Variants in DPH6 observed in about 807,000 individuals in gnomAD.
The protein encoded by DPH6 is diphthine--ammonia ligase.
In DPH6, 33 loss-of-function variants were observed where a neutral mutation model predicts 38.2. The observed-to-expected ratio is 0.86, with a 90% CI of 0.65 to 1.15. DPH6 has a LOEUF of 1.15. Among genes scored for constraint, DPH6 ranks in the 50% most tolerant of loss-of-function variants. The probability of loss-of-function intolerance (pLI) is 0.00; values close to 1 mark genes in which losing one functional copy is unlikely to be tolerated. For synonymous variants in DPH6, 108 were observed against 103.0 expected (o/e 1.05, Z -0.30); for missense variants, 325 against 320.0 (o/e 1.02, Z -0.12).
At chr15:35,434,401 T>C (rs997506963) in intron 5 of DPH6, among the ~76,000 whole-genome samples, 1 of 151,860 alleles carries the variant, frequency 6.6e-6, no homozygotes, top group Non-Finnish European at 1.5e-5. Context: ...ATATTCCATA[T>C]AGCAAAAGGT....
chr15:35,182,403 A>G, the DPH6 span, among the ~76,000 whole-genome samples: 531 of 152,112 alleles, frequency 3.5e-3, 1 homozygote, highest in African/African-American at 0.012. Flanking sequence ...GAACTGGGAT[A>G]GGTTTGTGAG....
chr15:35,209,215 A>G, the DPH6 span, among the ~76,000 whole-genome samples: 2 of 152,292 alleles, frequency 1.3e-5, no homozygotes, highest in East Asian at 3.8e-4. Context: ...TACTAGGTAG[A>G]TAATATTATC....
chr15:35,303,506 TTA>T (rs1051977616), intron 3 of DPH6, among the ~76,000 whole-genome samples: 16 of 151,726 alleles, frequency 1.1e-4, no homozygotes, highest in Non-Finnish European at 2.4e-4. Flanking sequence ...ATTACTCAAA[TTA>T]TATATATATG....
intron 3 of DPH6, among the ~76,000 whole-genome samples, chr15:35,502,758 T>C (rs1431690316): frequency 6.6e-6 from 1 of 151,600 alleles, no homozygotes; most frequent in Non-Finnish European, 1.5e-5. Flanking sequence ...TTATTTAACT[T>C]ATTTGTTAAG....
At chr15:35,178,267 T>G in the DPH6 span, among the ~76,000 whole-genome samples, 1 of 152,214 alleles carries the variant, frequency 6.6e-6, no homozygotes, top group Non-Finnish European at 1.5e-5. Flanking sequence ...AACAAAGATA[T>G]ACCTGAGAGT....
chr15:35,460,234 GA>G (rs530865131), intron 3 of DPH6, among the ~76,000 whole-genome samples: 3 of 150,056 alleles, frequency 2.0e-5, no homozygotes, highest in Admixed American at 6.6e-5. Context: ...ATCCTCAGAG[GA>G]AAAAAAAGTA....
At chr15:35,256,444 G>A (rs1474311173) in intron 3 of DPH6, among the ~76,000 whole-genome samples, 1 of 152,126 alleles carries the variant, frequency 6.6e-6, no homozygotes, top group East Asian at 1.9e-4. Context: ...ATTTTTGGAA[G>A]GAAGACCACA....
downstream of DPH6, among the ~76,000 whole-genome samples, chr15:35,366,678 C>T (rs932013749): frequency 6.6e-6 from 1 of 151,758 alleles, no homozygotes; most frequent in East Asian, 1.9e-4. Context: ...TATAAGCTCC[C>T]GGCCTCCACC....
the DPH6 span, among the ~76,000 whole-genome samples, chr15:35,167,446 A>G: frequency 6.6e-6 from 1 of 151,922 alleles, no homozygotes; most frequent in African/African-American, 2.4e-5. Flanking sequence ...TTAAAAAAAA[A>G]ATGACAAAAT....
At chr15:35,544,437 C>T (rs1376016549) in intron 1 of DPH6, among the ~76,000 whole-genome samples, 1 of 151,702 alleles carries the variant, frequency 6.6e-6, no homozygotes, top group African/African-American at 2.4e-5. Flanking sequence ...ACCACCGTGG[C>T]ACATGTATAC....
chr15:35,237,334 G>T, intron 3 of DPH6: 1 of 1,591,200 alleles, frequency 6.3e-7, no homozygotes, highest in Non-Finnish European at 8.6e-7. Context: ...AGATGAAGAT[G>T]GGCAGACGGA....
chr15:35,471,160 T>C (rs1420255636), intron 3 of DPH6, among the ~76,000 whole-genome samples: 1 of 152,180 alleles, frequency 6.6e-6, no homozygotes, highest in African/African-American at 2.4e-5. Flanking sequence ...TAAAGAGCAA[T>C]ACAAATACTA....
chr15:35,194,867 C>T, the DPH6 span, among the ~76,000 whole-genome samples: 3 of 152,170 alleles, frequency 2.0e-5, no homozygotes, highest in African/African-American at 7.2e-5. Context: ...TTCATATAGA[C>T]AAATCAGAAT....
chr15:35,543,503 T>C (rs79275849), intron 1 of DPH6, among the ~76,000 whole-genome samples: 1 of 151,990 alleles, frequency 6.6e-6, no homozygotes, highest in Admixed American at 6.6e-5. Flanking sequence ...CATTTATCAT[T>C]GCCTCTCTCC....
At chr15:35,473,953 TGTGTGC>T (rs1160214470) in intron 3 of DPH6, among the ~76,000 whole-genome samples, 158 of 25,044 alleles carry the variant, frequency 6.3e-3, no homozygotes, top group Middle Eastern at 0.042. Context: ...TGTGTGTGTG[TGTGTGC>T]GCGCGCGCGC....
At chr15:35,507,426 GAT>G (rs1204809393) in intron 3 of DPH6, among the ~76,000 whole-genome samples, 1 of 151,948 alleles carries the variant, frequency 6.6e-6, no homozygotes, top group African/African-American at 2.4e-5. Flanking sequence ...TGATTAGTCA[GAT>G]ATATAAATGT....
chr15:35,375,716 C>T (rs981534581), intron 7 of DPH6, among the ~76,000 whole-genome samples: 1 of 152,026 alleles, frequency 6.6e-6, no homozygotes, highest in Non-Finnish European at 1.5e-5. Flanking sequence ...CTACACTAGG[C>T]TCACCCCTAC....
At chr15:35,472,567 A>G (rs946676729) in intron 3 of DPH6, among the ~76,000 whole-genome samples, 3 of 152,208 alleles carry the variant, frequency 2.0e-5, no homozygotes, top group Non-Finnish European at 2.9e-5. Flanking sequence ...GACACCAAAC[A>G]GTACCTGCAA....
the DPH6 span, among the ~76,000 whole-genome samples, chr15:35,199,223 C>T: frequency 6.6e-6 from 1 of 152,124 alleles, no homozygotes; most frequent in Admixed American, 6.6e-5. Context: ...AATTTGTTGT[C>T]TTCTTGACAG....
Sources: allele counts gnomAD v4.1 joint callset (sites outside exome capture counted in the v4.1 genomes callset), GRCh38; gene constraint gnomAD v4.1.1; transcripts MANE v1.5; gene names NCBI Gene and HGNC (gene_info 2026-07-23, HGNC 2026-07-21).